NTRK2: variants seen among roughly 807,000 people sequenced by gnomAD.
The protein encoded by NTRK2 is BDNF/NT-3 growth factors receptor.
Under a neutral mutation model 94.5 loss-of-function variants are expected in NTRK2, and 13 were observed. The ratio of observed to expected loss-of-function variants is 0.14; its 90% CI spans 0.09 to 0.22. The LOEUF is 0.22. Among genes scored for constraint, NTRK2 ranks in the 10% least tolerant of loss-of-function variants. The pLI, the probability that NTRK2 is intolerant of heterozygous loss-of-function variation, is 1.00. For synonymous variants in NTRK2, 372 were observed against 407.4 expected, an observed-to-expected ratio of 0.91 and a Z score of 1.05; for missense variants, 639 against 1,071.2, an observed-to-expected ratio of 0.60 and a Z score of 5.63.
chr9:84,884,638 T>C (rs2076359259), intron 14 of NTRK2, among the ~76,000 whole-genome samples: 1 of 152,256 alleles, frequency 6.6e-6, no homozygotes, highest in Non-Finnish European at 1.5e-5. Context: ...TTGTGAGTCT[T>C]GTGCAAAATT....
chr9:84,879,252 T>A (rs370859117), intron 14 of NTRK2, among the ~76,000 whole-genome samples: 1 of 152,074 alleles, frequency 6.6e-6, no homozygotes, highest in South Asian at 2.1e-4. Flanking sequence ...ATCAGGGGAC[T>A]TTCTCAGTAA....
At chr9:84,670,069 A>G (rs2131255853) in intron 1 of NTRK2, among the ~76,000 whole-genome samples, 181 bp downstream of exon 1, 1 of 152,266 alleles carries the variant, frequency 6.6e-6, no homozygotes, top group East Asian at 1.9e-4. Flanking sequence ...AGCCGCCGGC[A>G]GTCTCCGCAT....
intron 12 of NTRK2, among the ~76,000 whole-genome samples, chr9:84,859,008 A>G (rs949760545): frequency 2.0e-5 from 3 of 152,208 alleles, no homozygotes; most frequent in African/African-American, 4.8e-5. Context: ...ATAATTTCTC[A>G]TGTAAACAAA....
intron 17 of NTRK2, among the ~76,000 whole-genome samples, chr9:85,000,958 A>G (rs1222604979): frequency 1.3e-5 from 2 of 152,226 alleles, no homozygotes; most frequent in East Asian, 3.8e-4. Flanking sequence ...AGCCATTCTA[A>G]TAGGCGTGAT....
chr9:84,877,015 A>T, intron 14 of NTRK2: 1 of 1,062,390 alleles, frequency 9.4e-7, no homozygotes, highest in Non-Finnish European at 1.1e-6. Flanking sequence ...TAGCTATGCC[A>T]TTGATTTCCA....
intron 16 of NTRK2, among the ~76,000 whole-genome samples, chr9:84,949,238 TA>T (rs1182043063): frequency 6.6e-6 from 1 of 151,856 alleles, no homozygotes; most frequent in Non-Finnish European, 1.5e-5. Context: ...AGGAAGGAGG[TA>T]AAAACATTGA....
chr9:85,011,958 A>ATTATTTTATTTTACT (rs1554786886), intron 17 of NTRK2, among the ~76,000 whole-genome samples: 2 of 131,676 alleles, frequency 1.5e-5, no homozygotes, highest in African/African-American at 5.7e-5. Flanking sequence ...TATGTAGAGC[A>ATTATTTTATTTTACT]TTATTTTATT....
chr9:85,017,407 T>C lies in NTRK2; in HGVS notation c.2173-2799T>C, dbSNP rs567467223. Among the ~76,000 whole-genome samples, 166 of 152,306 alleles carry C rather than the reference T, an allele frequency of 1.1e-3. No homozygotes were observed. Among genetic ancestry groups the C allele is most frequent in the Non-Finnish European group, 1.8e-3 (124 of 68,028 alleles). ...AGTAGGAAACAGGTAAGTGAGCGAT[T>C]GGAAACCAGCTATTGTCATCCACTG... is the stretch of plus-strand genomic sequence containing the variant. On this transcript the variant is annotated intron_variant, in intron 17 of 18. Coordinates refer to ENST00000277120, the MANE Select transcript of NTRK2 (RefSeq NM_006180.6).
chr9:84,930,114 A>T (rs1313875107), intron 14 of NTRK2, among the ~76,000 whole-genome samples: 1 of 152,228 alleles, frequency 6.6e-6, no homozygotes, highest in Non-Finnish European at 1.5e-5. Flanking sequence ...CCACAATGAG[A>T]TAGGAGTTTG....
At chr9:84,989,302 T>A (rs980910858) in intron 17 of NTRK2, among the ~76,000 whole-genome samples, 18 of 152,232 alleles carry the variant, frequency 1.2e-4, no homozygotes, top group Admixed American at 3.9e-4. Context: ...AAAATTATGT[T>A]CTTTGCTTCT....
At chr9:84,972,082 G>A (rs566836224) in intron 17 of NTRK2, among the ~76,000 whole-genome samples, 3 of 152,268 alleles carry the variant, frequency 2.0e-5, no homozygotes, top group Non-Finnish European at 2.9e-5. Flanking sequence ...TCATAGGGGG[G>A]TATCCAAATA....
intron 12 of NTRK2, among the ~76,000 whole-genome samples, chr9:84,858,608 A>G (rs2075179777): frequency 6.6e-6 from 1 of 151,398 alleles, no homozygotes; most frequent in Admixed American, 6.6e-5. Context: ...CCGCCTCCCA[A>G]CCCTCCGTTG....
At chr9:84,688,015 A>G (rs2059822071) in intron 2 of NTRK2, among the ~76,000 whole-genome samples, 1 of 151,938 alleles carries the variant, frequency 6.6e-6, no homozygotes. Flanking sequence ...TTTCCCTTAC[A>G]CTGCTGTACC....
chr9:84,980,800 C>T (rs972437142), intron 17 of NTRK2, among the ~76,000 whole-genome samples: 3 of 152,178 alleles, frequency 2.0e-5, no homozygotes, highest in Non-Finnish European at 4.4e-5. Flanking sequence ...CAAAATGGAG[C>T]GCGTAAGCTC....
At chr9:84,678,258 G>T (rs1338918679) in intron 2 of NTRK2, among the ~76,000 whole-genome samples, 1 of 152,172 alleles carries the variant, frequency 6.6e-6, no homozygotes, top group Non-Finnish European at 1.5e-5. Context: ...TGGTTGGGCT[G>T]TCTTCTTTGA....
intron 12 of NTRK2, among the ~76,000 whole-genome samples, chr9:84,794,534 G>A (rs2069075033): frequency 6.6e-6 from 1 of 152,204 alleles, no homozygotes; most frequent in African/African-American, 2.4e-5. Flanking sequence ...TATCATCTCA[G>A]CGGTTTTCTC....
chr9:84,735,059 A>G (rs1272975388), intron 9 of NTRK2, among the ~76,000 whole-genome samples: 2 of 152,016 alleles, frequency 1.3e-5, no homozygotes, highest in East Asian at 3.9e-4. Context: ...CCCTGACTCC[A>G]ATATTTAGGT....
intron 14 of NTRK2, chr9:84,877,945 A>G: frequency 2.0e-6 from 2 of 1,012,054 alleles, no homozygotes; most frequent in Non-Finnish European, 2.4e-6. Flanking sequence ...ACTTTTTCTT[A>G]CATAGACTTG....
At chr9:84,782,061 C>CACAT (rs2067636863) in intron 12 of NTRK2, among the ~76,000 whole-genome samples, 1 of 113,400 alleles carries the variant, frequency 8.8e-6, no homozygotes, top group South Asian at 3.2e-4. Context: ...CACACACACA[C>CACAT]ACACACAAAC....
Sources: allele counts gnomAD v4.1 joint callset (sites outside exome capture counted in the v4.1 genomes callset), GRCh38; gene constraint gnomAD v4.1.1; transcripts MANE v1.5; gene names NCBI Gene and HGNC (gene_info 2026-07-23, HGNC 2026-07-21).